Variants in ZMYND8 observed in about 807,000 individuals in gnomAD.
The protein encoded by ZMYND8 is zinc finger MYND-type containing 8.
A neutral mutation model predicts 140.8 loss-of-function variants in ZMYND8; 37 were observed. The observed-to-expected ratio is 0.26, with a 90% CI of 0.20 to 0.35. ZMYND8 has a LOEUF of 0.35. Ranked by LOEUF, ZMYND8 falls within the 10% of genes least tolerant of loss-of-function variation. ZMYND8 has a pLI of 1.00. For synonymous variants in ZMYND8, 592 were observed against 597.1 expected (o/e 0.99, Z 0.12); for missense variants, 1,068 against 1,570.0 (o/e 0.68, Z 5.40).
chr20:47,215,391 T>TA (rs1287126428), intron 21 of ZMYND8, among the ~76,000 whole-genome samples: 1 of 151,594 alleles, frequency 6.6e-6, no homozygotes, highest in Non-Finnish European at 1.5e-5. Context: ...ATAATAATAA[T>TA]AATAAATGTC....
chr20:47,300,789 A>C (rs1426678798), intron 3 of ZMYND8, among the ~76,000 whole-genome samples: 2 of 152,066 alleles, frequency 1.3e-5, no homozygotes, highest in East Asian at 3.9e-4. Context: ...ATCTCACCTC[A>C]CTGCAACCTC....
intron 16 of ZMYND8, among the ~76,000 whole-genome samples, chr20:47,231,394 G>C (rs1307374665): frequency 6.6e-6 from 1 of 152,088 alleles, no homozygotes; most frequent in Non-Finnish European, 1.5e-5. Flanking sequence ...TCTAAGCCTC[G>C]GTTTCCCCAC....
chr20:47,281,273 G>A (rs1036066182), intron 10 of ZMYND8, among the ~76,000 whole-genome samples: 7 of 152,270 alleles, frequency 4.6e-5, no homozygotes, highest in African/African-American at 1.7e-4. Flanking sequence ...TCTGCAAGAC[G>A]ACTAGCAAAA....
chr20:47,231,752 G>A (rs1365955497), intron 16 of ZMYND8, among the ~76,000 whole-genome samples: 2 of 152,128 alleles, frequency 1.3e-5, no homozygotes, highest in Admixed American at 1.3e-4. Flanking sequence ...TTGCCTCCTT[G>A]CTCTGTTGCA....
intron 3 of ZMYND8, among the ~76,000 whole-genome samples, chr20:47,307,340 C>T (rs962796425): frequency 6.6e-6 from 1 of 151,638 alleles, no homozygotes; most frequent in African/African-American, 2.4e-5. Flanking sequence ...TGCCTGTAAT[C>T]CCAGCTACTC....
Position 47,282,230 on chromosome 20 carries a change from A to C in ZMYND8, c.883-13T>G. The stretch of plus-strand genomic sequence containing the variant: ...GATGTGGATTGCTCTAGGAAAAGAA[A>C]AACAAGATCCAGAGTTTGTACATAT... On this transcript the variant is annotated splice_polypyrimidine_tract_variant and intron_variant, in intron 9 of 22. Transcript: ENST00000471951. The C allele has an allele frequency of 6.2e-7, 1 of 1,608,348 alleles. No individual in the cohort carries two copies. The highest frequency in any genetic ancestry group is 8.5e-7 in the Non-Finnish European group (1 of 1,176,974).
intron 21 of ZMYND8, among the ~76,000 whole-genome samples, chr20:47,216,807 CAAAAAAGTAGAATA>C (rs2146850516): frequency 6.6e-6 from 1 of 151,400 alleles, no homozygotes; most frequent in Admixed American, 6.6e-5. Flanking sequence ...GACTCTGTCT[CAAAAAAGTAGAATA>C]AAAAAAGAAC....
intron 2 of ZMYND8, among the ~76,000 whole-genome samples, chr20:47,346,425 C>T (rs1224840623): frequency 6.6e-6 from 1 of 152,162 alleles, no homozygotes; most frequent in African/African-American, 2.4e-5. Flanking sequence ...GGGGCAGCAG[C>T]CCTCTGCCTC....
chr20:47,311,122 G>A (rs1211050762), intron 2 of ZMYND8, among the ~76,000 whole-genome samples: 1 of 152,134 alleles, frequency 6.6e-6, no homozygotes, highest in Non-Finnish European at 1.5e-5. Context: ...TGTTTAATAG[G>A]CTATGAACTG....
intron 17 of ZMYND8, 102 bp from the exon 18 acceptor site, chr20:47,227,383 T>C: frequency 3.7e-6 from 4 of 1,089,334 alleles, no homozygotes; most frequent in Non-Finnish European, 5.5e-6. Flanking sequence ...ATGGGAATCA[T>C]GCTAACCTTC....
At chr20:47,324,892 A>G (rs75679511) in intron 2 of ZMYND8, among the ~76,000 whole-genome samples, 40 of 152,200 alleles carry the variant, frequency 2.6e-4, no homozygotes, top group South Asian at 2.1e-3. Context: ...ACAGTCATAT[A>G]TAGGTGAAAA....
In ZMYND8 at chr20:47,334,603, A is replaced by AT. The variant is rs1231755817; in HGVS notation, c.85+13252_85+13253insA. Among the ~76,000 whole-genome samples, 33 of 145,116 alleles carry AT rather than the reference A, an allele frequency of 2.3e-4. No individual in the cohort carries two copies. In the East Asian group the frequency reaches 2.6e-3, roughly 12 times the overall value. ...TGGCTGCACAACTCTGTGAAAAAAA[A>AT]AAATATATATATATATATATATATT... On this transcript the variant is annotated intron_variant, in intron 2 of 22. Transcript: ENST00000471951.
In ZMYND8 at chr20:47,246,074, C is replaced by T; in HGVS notation, c.2218G>A (p.Asp740Asn). The change falls in exon 14 of 23, where the codon GAC (aspartate) becomes AAC (asparagine). Residue 740 changes from aspartate to asparagine, a missense_variant. Asp to Asn is a conservative substitution (Grantham distance 23, BLOSUM62 1). Around this residue, in one of 10 missense-constraint regions of ZMYND8, gnomAD observed 383 missense variants for 431.2 expected, o/e 0.89. Coordinates refer to ENST00000471951, the MANE Select transcript of ZMYND8 (RefSeq NM_001281775.3). ...ESELVIDLGE[D>N]HSGREGRKNK... ...TTTCGACCCTCCCGCCCAGAATGGT[C>T]TTCTCCTAAATCTATGACAAGTTCG... 3.1e-6 allele frequency: 5 copies of T among 1,613,976 alleles called. No individual in the cohort carries two copies. The highest frequency in any genetic ancestry group is 4.2e-6 in the Non-Finnish European group (5 of 1,179,996).
chr20:47,290,583 G>GTTTTTTTTT (rs71183240), intron 6 of ZMYND8, among the ~76,000 whole-genome samples: 4 of 64,098 alleles, frequency 6.2e-5, no homozygotes, highest in Non-Finnish European at 8.1e-5. Flanking sequence ...TATTTATTTA[G>GTTTTTTTTT]TTTTTTTTTT....
At chr20:47,334,946 C>T (rs988824355) in intron 2 of ZMYND8, among the ~76,000 whole-genome samples, 1 of 151,520 alleles carries the variant, frequency 6.6e-6, no homozygotes, top group Admixed American at 6.6e-5. Flanking sequence ...AAACTATTCA[C>T]TTTAAATGGA....
At chr20:47,327,333 G>T (rs1187105486) in intron 2 of ZMYND8, among the ~76,000 whole-genome samples, 1 of 150,896 alleles carries the variant, frequency 6.6e-6, no homozygotes, top group Non-Finnish European at 1.5e-5. Flanking sequence ...TTTAAAATAA[G>T]GTCATTCACA....
intron 11 of ZMYND8, among the ~76,000 whole-genome samples, chr20:47,270,838 G>C (rs1355385863): frequency 6.6e-6 from 1 of 152,006 alleles, no homozygotes. Flanking sequence ...AGCACTTTGG[G>C]AGGCAGAGGC....
rs114513802 is a variant in ZMYND8, at chr20:47,331,589, G to A, written c.85+16267C>T. On this transcript the variant is annotated intron_variant, in intron 2 of 22. Coordinates refer to ENST00000471951, the MANE Select transcript of ZMYND8 (RefSeq NM_001281775.3). ...GGGTAAGATCACCCAGAGAAGGAAC[G>A]TGCTAGGCGAGACAAGGACAGGGCC... Among the ~76,000 whole-genome samples, 874 of 152,296 alleles carry A rather than the reference G, an allele frequency of 5.7e-3. 9 individuals carry two copies. Among genetic ancestry groups the A allele is most frequent in the African/African-American group, 0.02 (834 of 41,568 alleles).
intron 11 of ZMYND8, among the ~76,000 whole-genome samples, chr20:47,269,004 C>T (rs138413877): frequency 3.0e-3 from 452 of 152,120 alleles, no homozygotes; most frequent in Non-Finnish European, 5.3e-3. Context: ...AGTTCGAGAC[C>T]GGCCTGGCCA....
Sources: gnomAD v4.1 joint callset for allele counts (sites outside exome capture counted in the v4.1 genomes callset) on GRCh38, gnomAD v4.1.1 for gene constraint, gnomAD v4.1.1 regional missense constraint, MANE v1.5 for transcripts, NCBI Gene and HGNC (gene_info 2026-07-23, HGNC 2026-07-21) for gene names.